Variants in CACHD1 observed in about 807,000 individuals in gnomAD.
CACHD1 encodes cache domain containing 1.
A neutral mutation model predicts 138.7 loss-of-function variants in CACHD1; 71 were observed. That is an observed-to-expected ratio of 0.51 (90% CI 0.42 to 0.62). The LOEUF (loss-of-function observed/expected upper bound fraction) is 0.62. Among genes scored for constraint, CACHD1 ranks in the 20% least tolerant of loss-of-function variants. The pLI is 0.00. For synonymous variants in CACHD1, 578 were observed against 591.5 expected (o/e 0.98, Z 0.33); for missense variants, 1,389 against 1,625.3 (o/e 0.85, Z 2.50).
chr1:64,608,860 T>C (rs1377305339), intron 4 of CACHD1, among the ~76,000 whole-genome samples: 1 of 152,218 alleles, frequency 6.6e-6, no homozygotes, highest in South Asian at 2.1e-4. Flanking sequence ...AGTTGCCTCT[T>C]GCTCTCTTGA....
chr1:64,509,346 G>T (rs1006749266), intron 1 of CACHD1, among the ~76,000 whole-genome samples: 1 of 152,172 alleles, frequency 6.6e-6, no homozygotes, highest in Non-Finnish European at 1.5e-5. Flanking sequence ...CCTCAGCTCT[G>T]CCCAGGAGGG....
intron 15 of CACHD1, among the ~76,000 whole-genome samples, chr1:64,665,096 A>G (rs781497464): frequency 1.2e-4 from 18 of 152,010 alleles, no homozygotes; most frequent in Non-Finnish European, 2.4e-4. Flanking sequence ...TTTTTACTTT[A>G]ATTTTCAAAA....
rs149883607 is a variant in CACHD1 at position 64,681,662 on chromosome 1, A to G, written c.3484+327A>G. 6.4e-3 allele frequency among the ~76,000 whole-genome samples: 956 copies of G among 148,968 alleles called. 10 individuals carry two copies. The highest frequency in any genetic ancestry group is 0.022 in the African/African-American group (907 of 40,464). ...TATTTTAGAAAAGGAAGTTTCAGGT[A>G]TGCATTTTTTAAAAAATCCCTTAAC... On this transcript the variant is annotated intron_variant, in intron 25 of 26. Transcript: ENST00000651257.
chr1:64,657,614 G>A (rs560786086), intron 12 of CACHD1, among the ~76,000 whole-genome samples: 1 of 152,318 alleles, frequency 6.6e-6, no homozygotes, highest in African/African-American at 2.4e-5. Context: ...ATCTTTGCCA[G>A]CAGTACTTGA....
chr1:64,541,526 G>A (rs1206868663), intron 1 of CACHD1, among the ~76,000 whole-genome samples: 2 of 152,042 alleles, frequency 1.3e-5, no homozygotes, highest in African/African-American at 4.8e-5. Context: ...TGAGGTGTGG[G>A]GCTGGGAGCA....
intron 4 of CACHD1, among the ~76,000 whole-genome samples, chr1:64,606,683 G>T (rs1014001812): frequency 6.6e-6 from 1 of 152,196 alleles, no homozygotes; most frequent in Non-Finnish European, 1.5e-5. Context: ...AACTTAGAAA[G>T]TTACTCCAAA....
At position 64,510,472 on chromosome 1, in the gene CACHD1, G is replaced by A. The variant is rs146731484; in HGVS notation, c.198+39530G>A. Among the ~76,000 whole-genome samples, 159 of 152,136 alleles carry A rather than the reference G, an allele frequency of 1.0e-3. 1 individual carries two copies. The highest frequency in any genetic ancestry group is 3.8e-3 in the African/African-American group (157 of 41,508). Reference sequence around the variant, plus strand: ...GGACAGTCAATAATTTTAAGGTTATGGAGAAAAAAAGAGGGTCCAGTGACG... The same window carrying A: ...GGACAGTCAATAATTTTAAGGTTATAGAGAAAAAAAGAGGGTCCAGTGACG... On this transcript the variant is annotated intron_variant, in intron 1 of 26. Transcript: ENST00000651257.
chr1:64,574,039 A>G (rs1386270127), intron 2 of CACHD1, among the ~76,000 whole-genome samples: 2 of 152,210 alleles, frequency 1.3e-5, no homozygotes, highest in Admixed American at 1.3e-4. Flanking sequence ...ATTCTGGAAA[A>G]GGACAGAGAA....
intron 7 of CACHD1, 122 bp from the exon 8 acceptor site, chr1:64,641,698 C>T: frequency 1.6e-6 from 1 of 636,586 alleles, no homozygotes; most frequent in Non-Finnish European, 2.6e-6. Flanking sequence ...ACAGGAGGGA[C>T]TAGGAACCGT....
At position 64,654,618 on chromosome 1, in the gene CACHD1, C is replaced by T. The variant is rs982858092; in HGVS notation, c.1665-68C>T. On this transcript the variant is annotated intron_variant, in intron 11 of 26. Transcript: ENST00000651257. Reference sequence around the variant, plus strand: ...GTGGCCATTGACTCAACAGCTTCTTCCTTGCCTTTAATTAAGTGCTTAATT... The same window carrying T: ...GTGGCCATTGACTCAACAGCTTCTTTCTTGCCTTTAATTAAGTGCTTAATT... 3 of 1,169,070 alleles carry T rather than the reference C, an allele frequency of 2.6e-6. No individual in the cohort carries two copies. In the African/African-American group the frequency reaches 4.6e-5, roughly 18 times the overall value. 72.4% of individuals were successfully genotyped at this position (1,169,070 alleles called of 1,614,324 possible). A position where few individuals can be genotyped will look rare whatever the true frequency, so the allele number is the denominator to read the frequency against.
At chr1:64,647,714 A>G (rs1295543086) in intron 8 of CACHD1, 87 bp from the exon 9 acceptor site, 2 of 1,093,030 alleles carry the variant, frequency 1.8e-6, no homozygotes, top group African/African-American at 3.1e-5. Flanking sequence ...GACCTCATCC[A>G]TGCCCGTATT....
chr1:64,580,417 A>C (rs1647002932), intron 2 of CACHD1, among the ~76,000 whole-genome samples: 1 of 152,152 alleles, frequency 6.6e-6, no homozygotes, highest in Admixed American at 6.6e-5. Context: ...CCATGTAACA[A>C]ATGTGCTCAT....
intron 23 of CACHD1, among the ~76,000 whole-genome samples, chr1:64,678,859 A>G (rs1353509735): frequency 6.6e-6 from 1 of 152,182 alleles, no homozygotes; most frequent in African/African-American, 2.4e-5. Context: ...AATACTGCCA[A>G]GATTAGATTG....
At chr1:64,477,633 TA>T (rs201780508) in intron 1 of CACHD1, among the ~76,000 whole-genome samples, 3,123 of 140,040 alleles carry the variant, frequency 0.022, 182 homozygotes, top group African/African-American at 0.084. Flanking sequence ...TATTTTATTT[TA>T]TTTTTTTTTT....
At chr1:64,562,350 T>TA (rs1466112487) in intron 2 of CACHD1, among the ~76,000 whole-genome samples, 1 of 46,208 alleles carries the variant, frequency 2.2e-5, no homozygotes, top group African/African-American at 3.6e-5. Flanking sequence ...CTTCTCTTTT[T>TA]AAATTTTTTT....
chr1:64,590,716 C>G (rs573721398), intron 3 of CACHD1, among the ~76,000 whole-genome samples: 90 of 152,110 alleles, frequency 5.9e-4, no homozygotes, highest in Non-Finnish European at 1.0e-3. Flanking sequence ...AAACTGAACT[C>G]AAGCATGAGC....
chr1:64,652,353 C>A, intron 10 of CACHD1, 43 bp downstream of exon 10: 5 of 1,525,342 alleles, frequency 3.3e-6, no homozygotes, highest in Non-Finnish European at 4.4e-6. Context: ...TTTTTAGAAA[C>A]CTAAAGAAAA....
chr1:64,659,273 G>A (rs1649366286), intron 13 of CACHD1, among the ~76,000 whole-genome samples: 1 of 152,142 alleles, frequency 6.6e-6, no homozygotes, highest in Non-Finnish European at 1.5e-5. Flanking sequence ...ACATTTCTTA[G>A]TCACTTTCAA....
intron 9 of CACHD1, among the ~76,000 whole-genome samples, chr1:64,648,456 G>A (rs1648984137): frequency 6.6e-6 from 1 of 152,000 alleles, no homozygotes; most frequent in Non-Finnish European, 1.5e-5. Context: ...TTATTTAATG[G>A]TGTTAATTCT....
Sources: allele counts gnomAD v4.1 joint callset (sites outside exome capture counted in the v4.1 genomes callset), GRCh38; gene constraint gnomAD v4.1.1; transcripts MANE v1.5; gene names NCBI Gene and HGNC (gene_info 2026-07-23, HGNC 2026-07-21).